The following DGKB variants were observed in gnomAD, a reference collection of about 807,000 sequenced individuals.
The protein encoded by DGKB is 90 kDa diacylglycerol kinase.
Under a neutral mutation model 114.3 loss-of-function variants are expected in DGKB, and 67 were observed. The observed-to-expected ratio is 0.59, with a 90% CI of 0.48 to 0.72. The LOEUF is 0.72. DGKB is among the 30% of genes least tolerant of loss of function. The pLI is 0.00. For missense variants in DGKB, 907 were observed against 975.2 expected (o/e 0.93, Z 0.93); for synonymous variants, 398 against 323.1 (o/e 1.23, Z -2.49).
At chr7:14,630,192 T>C (rs1434474304) in intron 14 of DGKB, 44 bp downstream of exon 14, 1 of 1,395,508 alleles carries the variant, frequency 7.2e-7, no homozygotes. Flanking sequence ...AGATGTATAA[T>C]GACCTATAAT....
intron 2 of DGKB, among the ~76,000 whole-genome samples, chr7:14,768,209 C>T (rs1836761384): frequency 6.6e-6 from 1 of 151,912 alleles, no homozygotes; most frequent in South Asian, 2.1e-4. Context: ...TACCTTGTGA[C>T]TTTATGCATC....
At chr7:14,239,810 G>A (rs894413835) in intron 23 of DGKB, among the ~76,000 whole-genome samples, 1 of 151,952 alleles carries the variant, frequency 6.6e-6, no homozygotes, top group African/African-American at 2.4e-5. Context: ...AGTTTTATGT[G>A]TGATTTTAAA....
intron 21 of DGKB, among the ~76,000 whole-genome samples, chr7:14,392,909 T>G (rs886095837): frequency 2.6e-5 from 4 of 151,642 alleles, no homozygotes; most frequent in African/African-American, 4.8e-5. Flanking sequence ...TCTACAGAAA[T>G]AGCTCTGTGC....
chr7:14,782,860 G>A (rs977565873), intron 2 of DGKB, among the ~76,000 whole-genome samples: 13 of 151,912 alleles, frequency 8.6e-5, no homozygotes, highest in African/African-American at 2.9e-4. Flanking sequence ...AGACAGATGC[G>A]GTCTTGTTCT....
rs568276527 is a variant in DGKB at position 14,511,056 on chromosome 7, G to A, written c.1771-32831C>T. ...GAGTAGATTTTGAGATGATTATTAAGGGTCCTAGGATCTTCAGAATGGTCA... is the reference window on the plus strand; with the variant it reads ...GAGTAGATTTTGAGATGATTATTAAAGGTCCTAGGATCTTCAGAATGGTCA... On this transcript the variant is annotated intron_variant, in intron 20 of 25. Coordinates refer to ENST00000402815, the MANE Select transcript of DGKB (RefSeq NM_001350709.2). Among the ~76,000 whole-genome samples, 127 of 152,248 alleles carry A rather than the reference G, an allele frequency of 8.3e-4. 1 individual carries two copies. The highest frequency in any genetic ancestry group is 3.0e-3 in the African/African-American group (123 of 41,564).
At chr7:14,792,668 AT>A (rs1368378670) in intron 2 of DGKB, among the ~76,000 whole-genome samples, 3 of 152,186 alleles carry the variant, frequency 2.0e-5, no homozygotes, top group Non-Finnish European at 4.4e-5. Flanking sequence ...TTTGAAGATT[AT>A]TTTGCAAACG....
rs34838441 is a variant in DGKB, at chr7:14,841,454, CAAAA to C, written c.-187-8_-187-5del. 5.5e-6 allele frequency: 2 copies of C among 363,992 alleles called. No individual in the cohort carries two copies. Among genetic ancestry groups the C allele is most frequent in the Middle Eastern group, 7.2e-4 (1 of 1,398 alleles). 22.5% of individuals were successfully genotyped at this position (363,992 alleles called of 1,614,324 possible). A position where few individuals can be genotyped will look rare whatever the true frequency, so the allele number is the denominator to read the frequency against. ...ATTTCAATAATGTGTTAAAGAACTGCAAAAAAAAAAAACAGATCAAGATCAAAAG... is the reference window on the plus strand; with the variant it reads ...ATTTCAATAATGTGTTAAAGAACTGCAAAAAAAACAGATCAAGATCAAAAG... On this transcript the variant is annotated splice_region_variant and splice_polypyrimidine_tract_variant and intron_variant, in intron 1 of 25. Coordinates refer to ENST00000402815, the MANE Select transcript of DGKB (RefSeq NM_001350709.2).
chr7:14,852,493 A>AAAAAAAAAAAAAAAAAAAAAAAAAAAG (rs1475541455), intron 1 of DGKB, among the ~76,000 whole-genome samples: 1 of 146,606 alleles, frequency 6.8e-6, no homozygotes, highest in East Asian at 1.9e-4. Flanking sequence ...AAGTCAAAAA[A>AAAAAAAAAAAAAAAAAAAAAAAAAAAG]AAAACAGAAA....
intron 23 of DGKB, among the ~76,000 whole-genome samples, chr7:14,278,247 T>C (rs1442531900): frequency 6.7e-6 from 1 of 148,520 alleles, no homozygotes; most frequent in Non-Finnish European, 1.5e-5. Context: ...AAAAATATTA[T>C]GAAGCAATTG....
chr7:14,477,434 A>C (rs1782347963), intron 21 of DGKB, among the ~76,000 whole-genome samples: 1 of 152,196 alleles, frequency 6.6e-6, no homozygotes, highest in African/African-American at 2.4e-5. Flanking sequence ...TGTGAGCTGA[A>C]TAGAGTGGAA....
chr7:14,742,351 C>G (rs946052402), intron 4 of DGKB, among the ~76,000 whole-genome samples: 2 of 152,012 alleles, frequency 1.3e-5, no homozygotes, highest in Non-Finnish European at 2.9e-5. Context: ...TAAAAGCACT[C>G]TAATTAATTG....
intron 21 of DGKB, among the ~76,000 whole-genome samples, chr7:14,474,085 G>A (rs143325736): frequency 2.1e-4 from 32 of 152,260 alleles, no homozygotes; most frequent in African/African-American, 7.5e-4. Context: ...ATGAGATTTG[G>A]GAGGGGCCAT....
intron 13 of DGKB, among the ~76,000 whole-genome samples, chr7:14,669,001 T>G (rs191238325): frequency 5.9e-5 from 9 of 152,058 alleles, no homozygotes; most frequent in African/African-American, 9.7e-5. Flanking sequence ...GGATGATTAT[T>G]AACTAGAGGT....
At chr7:14,966,012 A>G (rs1787126049) in intron 1 of DGKB, among the ~76,000 whole-genome samples, 1 of 152,114 alleles carries the variant, frequency 6.6e-6, no homozygotes, top group Non-Finnish European at 1.5e-5. Context: ...AGGTTTATTG[A>G]CAATAATTTT....
At chr7:14,168,979 C>T (rs1780405481) in intron 25 of DGKB, among the ~76,000 whole-genome samples, 2 of 152,054 alleles carry the variant, frequency 1.3e-5, no homozygotes, top group Admixed American at 1.3e-4. Context: ...CCCAATAGGA[C>T]AGAATAATTA....
rs948005886 is a variant in DGKB, at chr7:14,304,108, C to A, written c.2122+34407G>T. ...ACACACTCTCTCTCTCTCACCCCTA[C>A]CTCAAGCAAAGGAGGTTGCAACACT... is the stretch of plus-strand genomic sequence containing the variant. On this transcript the variant is annotated intron_variant, in intron 23 of 25. Coordinates refer to ENST00000402815, the MANE Select transcript of DGKB (RefSeq NM_001350709.2). Among the ~76,000 whole-genome samples, 7 of 151,364 alleles carry A rather than the reference C, an allele frequency of 4.6e-5. No individual in the cohort carries two copies. In the East Asian group the frequency reaches 1.2e-3, roughly 25 times the overall value.
chr7:14,704,607 C>T (rs112856546), intron 6 of DGKB, among the ~76,000 whole-genome samples: 1,537 of 152,050 alleles, frequency 0.01, 20 homozygotes, highest in African/African-American at 0.035. Flanking sequence ...TCTCCCAGCA[C>T]GCAGCTGAAG....
At chr7:14,818,619 A>T (rs1219728578) in intron 2 of DGKB, among the ~76,000 whole-genome samples, 2 of 152,226 alleles carry the variant, frequency 1.3e-5, no homozygotes, top group Non-Finnish European at 2.9e-5. Context: ...AACAGAAATG[A>T]AGCAATGGCT....
chr7:14,511,596 G>A (rs1214904871), intron 20 of DGKB, among the ~76,000 whole-genome samples: 3 of 152,206 alleles, frequency 2.0e-5, no homozygotes, highest in Non-Finnish European at 4.4e-5. Context: ...GTTCATGGGA[G>A]TAACCCTTTT....
Sources: allele counts gnomAD v4.1 joint callset (sites outside exome capture counted in the v4.1 genomes callset), GRCh38; gene constraint gnomAD v4.1.1; transcripts MANE v1.5; gene names NCBI Gene and HGNC (gene_info 2026-07-23, HGNC 2026-07-21).